The following CMIP variants were observed in gnomAD, a reference collection of about 807,000 sequenced individuals.
CMIP encodes the protein C-Maf-inducing protein.
Under a neutral mutation model 97.3 loss-of-function variants are expected in CMIP, and 13 were observed. The observed-to-expected ratio is 0.13, with a 90% CI of 0.09 to 0.21. The LOEUF is 0.21. CMIP is among the 10% of genes least tolerant of loss of function. The pLI, the probability that CMIP is intolerant of heterozygous loss-of-function variation, is 1.00. For synonymous variants in CMIP, 538 were observed against 436.3 expected, an observed-to-expected ratio of 1.23 and a Z score of -2.91; for missense variants, 847 against 1,024.9, an observed-to-expected ratio of 0.83 and a Z score of 2.37.
In CMIP at chr16:81,494,624, CG is replaced by C. The variant is rs2089457969; in HGVS notation, c.300+49087del. Among the ~76,000 whole-genome samples, 3 of 152,124 alleles carry C rather than the reference CG, an allele frequency of 2.0e-5. No homozygotes were observed. The South Asian group carries it at 6.2e-4, about 31-fold the overall frequency. On this transcript the variant is annotated intron_variant, in intron 1 of 20. Transcript: ENST00000537098. ...GGCACCTGTGGGCATGGGGGACCCC[CG>C]GGGCCGCCCCCCGATGCCTCCGCTG... is the stretch of plus-strand genomic sequence containing the variant.
intron 1 of CMIP, among the ~76,000 whole-genome samples, chr16:81,602,581 C>T (rs2091675923): frequency 6.6e-6 from 1 of 152,222 alleles, no homozygotes; most frequent in South Asian, 2.1e-4. Flanking sequence ...GTCCCCCTGC[C>T]CCTCGCCCGC....
intron 1 of CMIP, among the ~76,000 whole-genome samples, chr16:81,450,108 C>A (rs533251571): frequency 6.6e-6 from 1 of 152,196 alleles, no homozygotes; most frequent in African/African-American, 2.4e-5. Flanking sequence ...TTCTGGGGCA[C>A]TGTCCTGGGC....
chr16:81,707,897 C>T (rs1482372064), intron 20 of CMIP, among the ~76,000 whole-genome samples: 1 of 152,244 alleles, frequency 6.6e-6, no homozygotes, highest in African/African-American at 2.4e-5. Flanking sequence ...ACGCTGGCAC[C>T]TTCGTGCTCT....
chr16:81,705,402 G>A, intron 18 of CMIP, 97 bp from the exon 19 acceptor site: 1 of 883,202 alleles, frequency 1.1e-6, no homozygotes, highest in Non-Finnish European at 1.8e-6. Flanking sequence ...TCAGAGCCAG[G>A]CTCTGTCCCC....
At chr16:81,623,379 T>C (rs1369791440) in intron 3 of CMIP, among the ~76,000 whole-genome samples, 1 of 152,262 alleles carries the variant, frequency 6.6e-6, no homozygotes, top group African/African-American at 2.4e-5. Flanking sequence ...GTTTAAAAAA[T>C]TTTCAGAAAA....
In CMIP at chr16:81,627,770, C is replaced by A. The variant is rs767417463; in HGVS notation, c.477+6844C>A. On this transcript the variant is annotated intron_variant, in intron 3 of 20. Transcript: ENST00000537098. This position sits in a 1 kb window ranked among gnomAD's most constrained non-coding sequence, Gnocchi z 4.6. ...CGTGCCAAAGCCAGATGCCTCCCAG[C>A]GAGGGTCACAATCTCGCTTCCACCT... Among the ~76,000 whole-genome samples, 5 of 152,154 alleles carry A rather than the reference C, an allele frequency of 3.3e-5. No homozygotes were observed. Among genetic ancestry groups the A allele is most frequent in the Non-Finnish European group, 7.4e-5 (5 of 68,014 alleles).
In CMIP at chr16:81,702,777, C is replaced by T. The variant is rs370152049; in HGVS notation, c.1944+108C>T. 3.6e-3 allele frequency: 3,498 copies of T among 982,942 alleles called. 11 individuals are homozygous for T. The highest frequency in any genetic ancestry group is 4.5e-3 in the Non-Finnish European group (2,799 of 626,234). The allele number at this position is 982,942 out of a possible 1,614,324, so 60.9% of individuals were successfully genotyped here. ...TGCTGAGATGGGAGGTGATGGAGGG[C>T]GGGGCACAAGGACCCCCTAGTACTT... On this transcript the variant is annotated intron_variant, in intron 17 of 20. Transcript: ENST00000537098.
intron 1 of CMIP, chr16:81,495,563 C>T: frequency 6.5e-7 from 1 of 1,536,032 alleles, no homozygotes; most frequent in Non-Finnish European, 8.9e-7. Flanking sequence ...CCTGCTGCTG[C>T]TGGCCACAGG....
intron 1 of CMIP, among the ~76,000 whole-genome samples, chr16:81,574,901 T>C (rs2091162625): frequency 6.6e-6 from 1 of 152,208 alleles, no homozygotes; most frequent in Non-Finnish European, 1.5e-5. Flanking sequence ...CCCTCCACAG[T>C]AGCTGCTCAC....
At chr16:81,560,227 T>G (rs1376517178) in intron 1 of CMIP, among the ~76,000 whole-genome samples, 4 of 147,132 alleles carry the variant, frequency 2.7e-5, no homozygotes, top group Admixed American at 1.3e-4. Flanking sequence ...TGTTTTGTTT[T>G]TTTTTTTTTG....
chr16:81,450,956 A>C (rs1464172491), intron 1 of CMIP, among the ~76,000 whole-genome samples: 1 of 152,146 alleles, frequency 6.6e-6, no homozygotes, highest in Non-Finnish European at 1.5e-5. Context: ...GTGGTTCTTC[A>C]CTGGACAGTA....
chr16:81,574,017 T>A (rs996884279), intron 1 of CMIP, among the ~76,000 whole-genome samples: 1 of 152,198 alleles, frequency 6.6e-6, no homozygotes, highest in African/African-American at 2.4e-5. Context: ...GACTGCAATC[T>A]AGTATAGTAG....
chr16:81,578,377 C>T (rs1049269635), intron 1 of CMIP, among the ~76,000 whole-genome samples: 30 of 152,244 alleles, frequency 2.0e-4, no homozygotes, highest in African/African-American at 6.5e-4. Context: ...TACAGAGTCC[C>T]TTAATCTCTC....
chr16:81,575,079 A>G (rs999246607), intron 1 of CMIP, among the ~76,000 whole-genome samples: 8 of 152,216 alleles, frequency 5.3e-5, no homozygotes, highest in African/African-American at 1.9e-4. Flanking sequence ...GTTGCCTCGT[A>G]ATATAATAAC....
In CMIP at chr16:81,652,404, T is replaced by G; in HGVS notation, c.639+40T>G. On this transcript the variant is annotated intron_variant, in intron 4 of 20. Transcript: ENST00000537098. This position sits in a 1 kb window ranked among gnomAD's most constrained non-coding sequence, Gnocchi z 5.2. ...CTGGACCCCTTTACATTGTTTGCCT[T>G]TCCCTCCACCGATCACCGGCTCCAT... 1.3e-6 allele frequency: 2 copies of G among 1,553,718 alleles called. No homozygotes were observed. The highest frequency in any genetic ancestry group is 8.8e-7 in the Non-Finnish European group (1 of 1,136,242).
At chr16:81,483,824 G>A (rs751718349) in intron 1 of CMIP, among the ~76,000 whole-genome samples, 5 of 152,132 alleles carry the variant, frequency 3.3e-5, no homozygotes, top group Admixed American at 1.3e-4. Flanking sequence ...TTCGCAACCC[G>A]TCCTGCAGCA....
intron 3 of CMIP, among the ~76,000 whole-genome samples, chr16:81,647,189 C>T (rs1008743690): frequency 3.9e-5 from 6 of 152,174 alleles, no homozygotes; most frequent in Admixed American, 2.6e-4. Context: ...TTTTAGCTTG[C>T]GTTTTCCCGA....
intron 1 of CMIP, among the ~76,000 whole-genome samples, chr16:81,497,361 A>C (rs1405639974): frequency 6.6e-6 from 1 of 152,172 alleles, no homozygotes; most frequent in African/African-American, 2.4e-5. Flanking sequence ...CTGTGTAGGA[A>C]GAACTTGGGG....
intron 14 of CMIP, 44 bp from the exon 15 acceptor site, chr16:81,699,641 A>G: frequency 2.3e-6 from 3 of 1,307,486 alleles, no homozygotes; most frequent in East Asian, 2.4e-5. Flanking sequence ...GGAGGCTGGC[A>G]CTGGGTGTCT....
Sources: allele counts gnomAD v4.1 joint callset (sites outside exome capture counted in the v4.1 genomes callset), GRCh38; gene constraint gnomAD v4.1.1; non-coding constraint Gnocchi (gnomAD v3.1); transcripts MANE v1.5; gene names NCBI Gene and HGNC (gene_info 2026-07-23, HGNC 2026-07-21).